Variants in ARB2A observed in about 807,000 individuals in gnomAD.
ARB2A encodes the protein cotranscriptional regulator ARB2A.
chr5:93,631,631 C>T, the ARB2A span, among the ~76,000 whole-genome samples: 3 of 152,190 alleles, frequency 2.0e-5, no homozygotes, highest in Non-Finnish European at 4.4e-5. Flanking sequence ...TAGCAAAGAG[C>T]TTTACTGGGC....
the ARB2A span, among the ~76,000 whole-genome samples, chr5:93,822,614 A>G: frequency 6.6e-6 from 1 of 152,022 alleles, no homozygotes; most frequent in Non-Finnish European, 1.5e-5. Context: ...TATAATCTAT[A>G]TCTATGGAGA....
the ARB2A span, among the ~76,000 whole-genome samples, chr5:94,004,985 G>A: frequency 1.2e-5 from 1 of 86,288 alleles, no homozygotes; most frequent in Admixed American, 1.8e-4. Context: ...ACACTTAGGA[G>A]CCATTTTATC....
chr5:93,739,335 A>C, the ARB2A span: 1 of 152,146 alleles, frequency 6.6e-6, no homozygotes, highest in African/African-American at 2.4e-5. Flanking sequence ...GGAAAAAATT[A>C]AGAAGAATGA....
chr5:93,900,667 G>A, the ARB2A span, among the ~76,000 whole-genome samples: 4 of 149,760 alleles, frequency 2.7e-5, no homozygotes, highest in African/African-American at 9.8e-5. Flanking sequence ...ATAAATAAAT[G>A]GTACAGTATC....
chr5:93,626,138 T>C, the ARB2A span, among the ~76,000 whole-genome samples: 3 of 152,366 alleles, frequency 2.0e-5, no homozygotes, highest in African/African-American at 7.2e-5. Flanking sequence ...AGTAGATGTC[T>C]TAAGTTATAT....
chr5:94,036,375 CAAT>C, the ARB2A span, among the ~76,000 whole-genome samples: 3 of 152,102 alleles, frequency 2.0e-5, no homozygotes, highest in African/African-American at 7.2e-5. Context: ...GTTTTTTCCA[CAAT>C]AATAAACAAC....
chr5:93,843,552 T>C, the ARB2A span, among the ~76,000 whole-genome samples: 2 of 151,464 alleles, frequency 1.3e-5, no homozygotes. Flanking sequence ...GCCTCCTGAG[T>C]AGCTGGGACT....
the ARB2A span, among the ~76,000 whole-genome samples, chr5:94,108,984 A>G: frequency 1.3e-5 from 2 of 152,260 alleles, no homozygotes; most frequent in African/African-American, 4.8e-5. Flanking sequence ...TCATGTTCAT[A>G]GCAGCATTAT....
the ARB2A span, among the ~76,000 whole-genome samples, chr5:93,850,408 A>G: frequency 1.3e-3 from 193 of 152,312 alleles, no homozygotes; most frequent in Non-Finnish European, 2.1e-3. Flanking sequence ...AGACGTAGGT[A>G]GGTGTGCAGG....
At chr5:93,944,910 A>C in the ARB2A span, among the ~76,000 whole-genome samples, 52 of 152,288 alleles carry the variant, frequency 3.4e-4, no homozygotes, top group African/African-American at 1.2e-3. Context: ...ACTTAAAAGT[A>C]AGCCAACTCA....
At chr5:93,622,248 T>A in the ARB2A span, among the ~76,000 whole-genome samples, 1 of 152,174 alleles carries the variant, frequency 6.6e-6, no homozygotes, top group African/African-American at 2.4e-5. Flanking sequence ...ACAGTTGAAA[T>A]CTCTTCCTAG....
At chr5:93,828,202 T>C in the ARB2A span, among the ~76,000 whole-genome samples, 2 of 152,216 alleles carry the variant, frequency 1.3e-5, no homozygotes, top group African/African-American at 4.8e-5. Context: ...ACTTTCATGA[T>C]ACTGATTCTT....
the ARB2A span, among the ~76,000 whole-genome samples, chr5:93,693,946 T>A: frequency 1.3e-5 from 2 of 151,942 alleles, no homozygotes; most frequent in Non-Finnish European, 2.9e-5. Flanking sequence ...AAAAACCACA[T>A]GATTATCTCA....
chr5:94,015,374 C>T, the ARB2A span, among the ~76,000 whole-genome samples: 1 of 151,870 alleles, frequency 6.6e-6, no homozygotes, highest in Admixed American at 6.6e-5. Flanking sequence ...CACCACCAGA[C>T]TCATCTTACA....
At chr5:93,855,461 T>G in the ARB2A span, among the ~76,000 whole-genome samples, 3 of 152,192 alleles carry the variant, frequency 2.0e-5, no homozygotes, top group Non-Finnish European at 2.9e-5. Flanking sequence ...CATTTGCATT[T>G]AAAGTTAATA....
the ARB2A span, among the ~76,000 whole-genome samples, chr5:93,687,613 A>T: frequency 6.6e-6 from 1 of 152,192 alleles, no homozygotes; most frequent in African/African-American, 2.4e-5. Flanking sequence ...TTTTTTTGGT[A>T]AATAGAACGT....
At chr5:93,882,133 C>A in the ARB2A span, among the ~76,000 whole-genome samples, 5 of 151,104 alleles carry the variant, frequency 3.3e-5, no homozygotes, top group African/African-American at 1.2e-4. Flanking sequence ...TTTACAATGG[C>A]CCTTTCAAGA....
At chr5:93,986,283 T>TG in the ARB2A span, among the ~76,000 whole-genome samples, 3 of 146,804 alleles carry the variant, frequency 2.0e-5, no homozygotes, top group African/African-American at 7.7e-5. Context: ...ATCTGGGAGG[T>TG]GGGGGGCGCC....
At chr5:93,860,475 A>T in the ARB2A span, among the ~76,000 whole-genome samples, 1 of 152,066 alleles carries the variant, frequency 6.6e-6, no homozygotes, top group Non-Finnish European at 1.5e-5. Flanking sequence ...GATAAAAGTA[A>T]AGGCAAGCAA....
Sources: gnomAD v4.1 joint callset for allele counts (sites outside exome capture counted in the v4.1 genomes callset) on GRCh38, gnomAD v4.1.1 for gene constraint, MANE v1.5 for transcripts, NCBI Gene and HGNC (gene_info 2026-07-23, HGNC 2026-07-21) for gene names.